MGAM2: variants seen among roughly 807,000 people sequenced by gnomAD.
The protein encoded by MGAM2 is maltase-glucoamylase 2 (putative), also known as probable maltase-glucoamylase 2.
A neutral mutation model predicts 96.1 loss-of-function variants in MGAM2; 98 were observed. The ratio of observed to expected loss-of-function variants is 1.02; its 90% CI spans 0.87 to 1.21. MGAM2 has a LOEUF of 1.21. Among genes scored for constraint, MGAM2 ranks in the 50% most tolerant of loss-of-function variants. The pLI is 0.00. For missense variants in MGAM2, 2,055 were observed against 1,182.4 expected, an observed-to-expected ratio of 1.74 and a Z score of -10.82; for synonymous variants, 749 against 414.8, an observed-to-expected ratio of 1.81 and a Z score of -9.79.
chr7:142,123,692 G>T (rs1165485441), intron 3 of MGAM2, among the ~76,000 whole-genome samples: 1 of 151,866 alleles, frequency 6.6e-6, no homozygotes, highest in East Asian at 1.9e-4. Context: ...TCCTTTGTTA[G>T]ATATATATCT....
chr7:142,183,116 A>G (rs1251752637), intron 32 of MGAM2, 150 bp from the exon 33 acceptor site: 1 of 583,284 alleles, frequency 1.7e-6, no homozygotes, highest in Non-Finnish European at 3.0e-6. Flanking sequence ...GACATAAGGC[A>G]AATTATCAAT....
At chr7:142,206,925 A>AT (rs1297441051) in intron 45 of MGAM2, among the ~76,000 whole-genome samples, 4 of 152,196 alleles carry the variant, frequency 2.6e-5, no homozygotes, top group Non-Finnish European at 4.4e-5. Flanking sequence ...ATTCTTTACA[A>AT]TTTTTTTATT....
chr7:142,204,419 A>G (rs1797335674), intron 45 of MGAM2, among the ~76,000 whole-genome samples: 1 of 152,040 alleles, frequency 6.6e-6, no homozygotes, highest in Non-Finnish European at 1.5e-5. Flanking sequence ...TTCAGAGCTC[A>G]GTTCAGTCTT....
chr7:142,194,036 CTT>C (rs537760392), intron 37 of MGAM2, among the ~76,000 whole-genome samples: 51 of 145,242 alleles, frequency 3.5e-4, no homozygotes, highest in African/African-American at 4.1e-4. Flanking sequence ...CTTTCTTCTT[CTT>C]TTTTTTTTTT....
rs186854902 is a variant in MGAM2, at chr7:142,188,450, A to G, written c.4207+616A>G. Among the ~76,000 whole-genome samples the G allele has an allele frequency of 5.3e-3, 814 of 152,194 alleles. 3 individuals carry two copies. The highest frequency in any genetic ancestry group is 0.014 in the African/African-American group (581 of 41,470). Reference sequence around the variant, plus strand: ...AACATAGTGAGACCCATAAAAAAAAACAAACAAACACCAAAAACCAGAAAA... The same window carrying G: ...AACATAGTGAGACCCATAAAAAAAAGCAAACAAACACCAAAAACCAGAAAA... On this transcript the variant is annotated intron_variant, in intron 36 of 47. Transcript: ENST00000477922.
At chr7:142,201,537 G>T (rs934480185) in intron 45 of MGAM2, among the ~76,000 whole-genome samples, 1 of 152,128 alleles carries the variant, frequency 6.6e-6, no homozygotes, top group Non-Finnish European at 1.5e-5. Context: ...TGACAAATGT[G>T]TACAGTTGTA....
At chr7:142,144,994 A>G (rs776536802) in intron 14 of MGAM2, 49 bp downstream of exon 14, 1 of 699,770 alleles carries the variant, frequency 1.4e-6, no homozygotes, top group Non-Finnish European at 2.6e-6. Flanking sequence ...CATGTTTAAA[A>G]CACCCTCAGT....
Position 142,166,084 on chromosome 7 carries a change from G to T in MGAM2, c.2653-14G>T. On this transcript the variant is annotated splice_polypyrimidine_tract_variant and intron_variant, in intron 24 of 47. Coordinates refer to ENST00000477922, the MANE Select transcript of MGAM2 (RefSeq NM_001293626.2). ...CCTCCCTTCCTTTGTCACTGTGACT[G>T]TCTCTTTCCCCAGGTGGTAACCATC... The T allele has an allele frequency of 4.4e-6, 3 of 679,296 alleles. No individual in the cohort carries two copies. In the South Asian group the frequency reaches 4.8e-5, roughly 11 times the overall value. 42.1% of individuals were successfully genotyped at this position (679,296 alleles called of 1,614,324 possible).
chr7:142,156,152 A>C (rs892348757), intron 17 of MGAM2, among the ~76,000 whole-genome samples: 1 of 150,436 alleles, frequency 6.6e-6, no homozygotes, highest in Admixed American at 6.6e-5. Flanking sequence ...TCTCAAAACA[A>C]AACAAAAAAA....
chr7:142,138,196 G>C (rs1379945776), intron 9 of MGAM2, among the ~76,000 whole-genome samples: 1 of 152,152 alleles, frequency 6.6e-6, no homozygotes, highest in Non-Finnish European at 1.5e-5. Context: ...AGCTCTCTGA[G>C]GGCAGGAGCT....
intron 17 of MGAM2, among the ~76,000 whole-genome samples, chr7:142,157,085 A>G (rs79976918): frequency 1.3e-5 from 2 of 152,364 alleles, no homozygotes; most frequent in East Asian, 3.9e-4. Flanking sequence ...ACAAATGTTG[A>G]TGGTGGAAAC....
intron 31 of MGAM2, among the ~76,000 whole-genome samples, chr7:142,174,103 G>A (rs1439787869): frequency 6.6e-6 from 1 of 152,094 alleles, no homozygotes; most frequent in Non-Finnish European, 1.5e-5. Context: ...AGTTTAAAGG[G>A]GGATCACCTG....
intron 45 of MGAM2, among the ~76,000 whole-genome samples, chr7:142,202,980 T>C (rs1797284942): frequency 6.6e-6 from 1 of 152,054 alleles, no homozygotes; most frequent in African/African-American, 2.4e-5. Flanking sequence ...CTAGCATATG[T>C]TATTATTTGA....
intron 4 of MGAM2, 49 bp from the exon 5 acceptor site, chr7:142,131,469 A>G (rs908975001): frequency 1.5e-6 from 1 of 688,334 alleles, no homozygotes; most frequent in Non-Finnish European, 2.6e-6. Flanking sequence ...AAAACCAAAC[A>G]CTAAAAGTTA....
rs530087551 is a variant in MGAM2, at chr7:142,186,083, G to C, written c.4082G>C (p.Arg1361Pro). The C allele has an allele frequency of 1.4e-6, 1 of 706,062 alleles. No homozygotes were observed. The highest frequency in any genetic ancestry group is 2.7e-5 in the East Asian group (1 of 37,268). The allele number at this position is 706,062 out of a possible 1,614,324, so 43.7% of individuals were successfully genotyped here. ...KEIEELYANPREPEKSLKFDG... is the reference protein window; with the variant it reads ...KEIEELYANPPEPEKSLKFDG... The stretch of plus-strand genomic sequence containing the variant: ...ATAGAAGAGCTCTATGCAAACCCTC[G>C]AGAGCCAGAGAAGAGCTTGAAGTTT... The change falls in exon 35 of 48, where the codon CGA (arginine) becomes CCA (proline). Residue 1361 changes from arginine (R) to proline (P), a missense_variant. Physicochemically the swap from Arg to Pro is moderately radical, Grantham distance 103. Coordinates refer to ENST00000477922, the MANE Select transcript of MGAM2 (RefSeq NM_001293626.2).
Position 142,221,290 on chromosome 7 carries a change from C to A in MGAM2, c.6779C>A (p.Thr2260Asn), listed in dbSNP as rs1211407583. The change falls in exon 48 of 48, where the codon ACT becomes AAT. Residue 2260 changes from threonine to asparagine, a missense_variant. Physicochemically the swap from Thr to Asn is moderately conservative, Grantham distance 65 (BLOSUM62 0). Transcript: ENST00000477922. ...AGTAATAGTATTTCCATAACAACTA[C>A]TTCTTTTGGTAATAGTGTTCCTTTT... ...ITSNSISITT[T>N]SFGNSVPFVT... 5 of 674,214 alleles carry A rather than the reference C, an allele frequency of 7.4e-6. No homozygotes were observed. The highest frequency in any genetic ancestry group is 1.8e-5 in the African/African-American group (1 of 56,444). The allele number at this position is 674,214 out of a possible 1,614,324, so 41.8% of individuals were successfully genotyped here.
rs1797956944 is a variant in MGAM2, at chr7:142,222,300, A to G, written c.*241A>G. On this transcript the variant is annotated 3_prime_UTR_variant, in exon 48 of 48. Transcript: ENST00000477922. ...AGCTGTGGGTACTTATTTTGCAACC[A>G]TAGTATGTGCTCTTATTCTTTTAAA... 5.7e-6 allele frequency: 2 copies of G among 351,400 alleles called. No individual in the cohort carries two copies. Among genetic ancestry groups the G allele is most frequent in the Non-Finnish European group, 5.1e-6 (1 of 195,872 alleles). The allele number at this position is 351,400 out of a possible 1,614,324, so 21.8% of individuals were successfully genotyped here.
intron 15 of MGAM2, among the ~76,000 whole-genome samples, chr7:142,149,535 A>T (rs1795491413): frequency 6.7e-6 from 1 of 149,274 alleles, no homozygotes; most frequent in African/African-American, 2.5e-5. Context: ...GACGTTGTCT[A>T]CTTGGATGTT....
intron 15 of MGAM2, among the ~76,000 whole-genome samples, chr7:142,152,493 CA>C (rs1213643836): frequency 6.6e-6 from 1 of 152,106 alleles, no homozygotes; most frequent in African/African-American, 2.4e-5. Flanking sequence ...TTTTCCGTTT[CA>C]AAATTTTCTC....
Sources: gnomAD v4.1 joint callset for allele counts (sites outside exome capture counted in the v4.1 genomes callset) on GRCh38, gnomAD v4.1.1 for gene constraint, MANE v1.5 for transcripts, NCBI Gene and HGNC (gene_info 2026-07-23, HGNC 2026-07-21) for gene names.